Variants in MRPS33 observed in about 807,000 individuals in gnomAD.
MRPS33 encodes small ribosomal subunit protein mS33.
Under a neutral mutation model 11.2 loss-of-function variants are expected in MRPS33, and 11 were observed. That is an observed-to-expected ratio of 0.99 (90% CI 0.62 to 1.63). The LOEUF is 1.63. Among genes scored for constraint, MRPS33 ranks in the 40% most tolerant of loss-of-function variants. The pLI, the probability that MRPS33 is intolerant of heterozygous loss-of-function variation, is 0.00. For synonymous variants in MRPS33, 46 were observed against 44.0 expected, an observed-to-expected ratio of 1.05 and a Z score of -0.18; for missense variants, 109 against 127.8, an observed-to-expected ratio of 0.85 and a Z score of 0.71.
At chr7:141,008,060 G>A (rs1431782578) in intron 2 of MRPS33, among the ~76,000 whole-genome samples, 15 of 152,112 alleles carry the variant, frequency 9.9e-5, no homozygotes, top group Admixed American at 9.8e-4. Context: ...GAGAACTGGT[G>A]CTTCCCTCCC....
chr7:141,010,035 C>G (rs1016675234), intron 2 of MRPS33: 4 of 170,862 alleles, frequency 2.3e-5, no homozygotes, highest in African/African-American at 7.2e-5. Context: ...ATTTCTTGAC[C>G]TCGTGATCTG....
chr7:141,006,473 T>C lies in MRPS33; in HGVS notation c.278A>G (p.Lys93Arg), dbSNP rs1411770507. The change falls in exon 3 of 3, where the codon AAA becomes AGA. Residue 93 changes from lysine to arginine, a missense_variant. Lys to Arg is a conservative substitution (Grantham distance 26). Coordinates refer to ENST00000324787, the MANE Select transcript of MRPS33 (RefSeq NM_053035.3). The part of the protein sequence containing the change: ...KRLKKLRGKE[K>R]PKKGEGKRAA... ...TCTTTTCCCTTCTCCTTTCTTTGGT[T>C]TCTCCTTTCCACGAAGCTTCTTTAG... The C allele has an allele frequency of 6.2e-7, 1 of 1,614,066 alleles. No homozygotes were observed. Among genetic ancestry groups the C allele is most frequent in the South Asian group, 1.1e-5 (1 of 91,080 alleles).
Position 141,003,423 on chromosome 7 carries a change from A to C in MRPS33, c.*3007T>G, listed in dbSNP as rs567185708. 15 of 152,302 alleles carry C rather than the reference A, an allele frequency of 9.8e-5. No individual in the cohort carries two copies. Among genetic ancestry groups the C allele is most frequent in the African/African-American group, 3.1e-4 (13 of 41,556 alleles). The allele number at this position is 152,302 out of a possible 1,614,324, so 9.4% of individuals were successfully genotyped here. On this transcript the variant is annotated 3_prime_UTR_variant, in exon 3 of 3. Transcript: ENST00000324787. ...TTTGAGTCACACAGCTTGCTCTATC[A>C]ATTGAAGGTATAGCTTATGTACAAA...
At chr7:141,006,720 C>G (rs908049606) in intron 2 of MRPS33, among the ~76,000 whole-genome samples, 185 bp from the exon 3 acceptor site, 1 of 152,146 alleles carries the variant, frequency 6.6e-6, no homozygotes, top group African/African-American at 2.4e-5. Context: ...GCGGTGTATT[C>G]CAAAAGTTCA....
chr7:141,007,454 T>A (rs892534573), intron 2 of MRPS33, among the ~76,000 whole-genome samples: 9 of 152,180 alleles, frequency 5.9e-5, no homozygotes, highest in African/African-American at 2.2e-4. Flanking sequence ...TGTCCCCAAA[T>A]AATTCTCAAC....
chr7:141,014,709 G>A (rs1165316986), intron 1 of MRPS33: 1 of 152,178 alleles, frequency 6.6e-6, no homozygotes, highest in Admixed American at 6.5e-5. Context: ...CAGCGGAAAC[G>A]CGGGTATTCT....
At chr7:141,010,260 G>T in intron 2 of MRPS33, 159 bp downstream of exon 2, 1 of 652,028 alleles carries the variant, frequency 1.5e-6, no homozygotes, top group Non-Finnish European at 2.6e-6. Context: ...TCCATTATGG[G>T]TATTTTGAAA....
chr7:141,010,713 T>C, intron 1 of MRPS33, 53 bp from the exon 2 acceptor site: 4 of 1,331,490 alleles, frequency 3.0e-6, no homozygotes, highest in Non-Finnish European at 4.3e-6. Context: ...ATTCCAAGAT[T>C]AGCTAATGAA....
chr7:141,008,340 G>T (rs930883003), intron 2 of MRPS33, among the ~76,000 whole-genome samples: 5 of 152,224 alleles, frequency 3.3e-5, no homozygotes, highest in African/African-American at 1.2e-4. Flanking sequence ...TTCTCCTCAG[G>T]ATATCTGCCT....
Position 141,010,334 on chromosome 7 carries a change from A to G in MRPS33, c.215+85T>C, listed in dbSNP as rs1292726510. 9.0e-6 allele frequency: 12 copies of G among 1,334,748 alleles called. No homozygotes were observed. In the East Asian group the frequency reaches 2.1e-4, roughly 23 times the overall value. The allele number at this position is 1,334,748 out of a possible 1,614,324, so 82.7% of individuals were successfully genotyped here. On this transcript the variant is annotated intron_variant, in intron 2 of 2. Coordinates refer to ENST00000324787, the MANE Select transcript of MRPS33 (RefSeq NM_053035.3). Reference sequence around the variant, plus strand: ...TGGGCTCTATTATAAGAACAAAACTACAAGGATAGAAAGGCTAATTTTTTT... The same window carrying G: ...TGGGCTCTATTATAAGAACAAAACTGCAAGGATAGAAAGGCTAATTTTTTT...
Position 141,006,129 on chromosome 7 carries a change from C to A in MRPS33, c.*301G>T, listed in dbSNP as rs562974788. ...ACTTAATGAGGTTTCCCCTCCATTC[C>A]CCCAGCATCCCATCCCACCCCAAAC... is the stretch of plus-strand genomic sequence containing the variant. On this transcript the variant is annotated 3_prime_UTR_variant, in exon 3 of 3. Coordinates refer to ENST00000324787, the MANE Select transcript of MRPS33 (RefSeq NM_053035.3). The A allele has an allele frequency of 2.2e-5, 8 of 359,102 alleles. No individual in the cohort carries two copies. Among genetic ancestry groups the A allele is most frequent in the Non-Finnish European group, 3.6e-5 (7 of 195,092 alleles). 22.2% of individuals were successfully genotyped at this position (359,102 alleles called of 1,614,324 possible).
rs986549980 is a variant in MRPS33, at chr7:141,004,509, CAGAG to C, written c.*1917_*1920del. 1 of 152,144 alleles carries C rather than the reference CAGAG, an allele frequency of 6.6e-6. No homozygotes were observed. Among genetic ancestry groups the C allele is most frequent in the Non-Finnish European group, 1.5e-5 (1 of 68,038 alleles). 9.4% of individuals were successfully genotyped at this position (152,144 alleles called of 1,614,324 possible). ...CTACTTCAGGAATCATTGAGTGTTA[CAGAG>C]AAAGAAAACTGTGGCTGGAGTAGCT... On this transcript the variant is annotated 3_prime_UTR_variant, in exon 3 of 3. Coordinates refer to ENST00000324787, the MANE Select transcript of MRPS33 (RefSeq NM_053035.3).
At position 141,004,600 on chromosome 7, in the gene MRPS33, GAAT is replaced by G. The variant is rs1185189090; in HGVS notation, c.*1827_*1829del. On this transcript the variant is annotated 3_prime_UTR_variant, in exon 3 of 3. Coordinates refer to ENST00000324787, the MANE Select transcript of MRPS33 (RefSeq NM_053035.3). ...TGCTTTTATATTTTGATTATTTTTT[GAAT>G]AATATGTTTGAATATTGACACTATT... 4 of 152,012 alleles carry G rather than the reference GAAT, an allele frequency of 2.6e-5. No homozygotes were observed. Among genetic ancestry groups the G allele is most frequent in the Non-Finnish European group, 5.9e-5 (4 of 68,010 alleles). 9.4% of individuals were successfully genotyped at this position (152,012 alleles called of 1,614,324 possible).
At chr7:141,011,187 A>G (rs1480409666) in intron 1 of MRPS33, among the ~76,000 whole-genome samples, 1 of 152,206 alleles carries the variant, frequency 6.6e-6, no homozygotes, top group Admixed American at 6.5e-5. Context: ...ATGAGTTATG[A>G]GGTCATTTGG....
chr7:141,010,312 G>T, intron 2 of MRPS33, 107 bp downstream of exon 2: 1 of 1,033,584 alleles, frequency 9.7e-7, no homozygotes, highest in Non-Finnish European at 1.4e-6. Flanking sequence ...AACTACCTGG[G>T]CTCTATTATA....
In MRPS33 at chr7:141,014,950, A is replaced by G. The variant is rs1448180215; in HGVS notation, c.-67T>C. ...CCTCACCCACGCGCCCTCGTCCCGG[A>G]AGGCCCGCCCTCTACCCGGCTCCAA... On this transcript the variant is annotated 5_prime_UTR_variant, in exon 1 of 3. Transcript: ENST00000324787. 6.6e-6 allele frequency: 1 copy of G among 152,498 alleles called. No homozygotes were observed. Among genetic ancestry groups the G allele is most frequent in the Non-Finnish European group, 1.5e-5 (1 of 68,338 alleles). The allele number at this position is 152,498 out of a possible 1,614,324, so 9.4% of individuals were successfully genotyped here. A position where few individuals can be genotyped will look rare whatever the true frequency, so the allele number is the denominator to read the frequency against.
rs1475544966 is a variant in MRPS33 at position 141,004,449 on chromosome 7, T to C, written c.*1981A>G. 6.6e-6 allele frequency: 1 copy of C among 152,228 alleles called. No homozygotes were observed. The highest frequency in any genetic ancestry group is 1.5e-5 in the Non-Finnish European group (1 of 68,040). 9.4% of individuals were successfully genotyped at this position (152,228 alleles called of 1,614,324 possible). A position where few individuals can be genotyped will look rare whatever the true frequency, so the allele number is the denominator to read the frequency against. On this transcript the variant is annotated 3_prime_UTR_variant, in exon 3 of 3. Coordinates refer to ENST00000324787, the MANE Select transcript of MRPS33 (RefSeq NM_053035.3). ...CATCTGGATTAGGTATCTTTAAAAATAGCATTCATTTAAACATATGTACTG... is the reference window on the plus strand; with the variant it reads ...CATCTGGATTAGGTATCTTTAAAAACAGCATTCATTTAAACATATGTACTG...
intron 2 of MRPS33, among the ~76,000 whole-genome samples, 177 bp from the exon 3 acceptor site, chr7:141,006,712 G>A (rs540985408): frequency 3.7e-4 from 56 of 152,210 alleles, no homozygotes; most frequent in African/African-American, 1.1e-3. Context: ...ACAGAGATGC[G>A]GTGTATTCCA....
intron 1 of MRPS33, among the ~76,000 whole-genome samples, chr7:141,012,039 G>A (rs1162309818): frequency 1.3e-5 from 2 of 151,558 alleles, no homozygotes; most frequent in Non-Finnish European, 2.9e-5. Flanking sequence ...CTATGGTAGT[G>A]CACACCTGTA....
Sources: allele counts gnomAD v4.1 joint callset (sites outside exome capture counted in the v4.1 genomes callset), GRCh38; gene constraint gnomAD v4.1.1; transcripts MANE v1.5; gene names NCBI Gene and HGNC (gene_info 2026-07-23, HGNC 2026-07-21).